The following PRKAR2B variants were observed in gnomAD, a reference collection of about 807,000 sequenced individuals.
PRKAR2B encodes the protein protein kinase cAMP-dependent type II regulatory subunit beta.
PRKAR2B carries 14 observed loss-of-function variants against 49.9 expected under a neutral mutation model. The ratio of observed to expected loss-of-function variants is 0.28; its 90% CI spans 0.19 to 0.44. PRKAR2B has a LOEUF of 0.44. PRKAR2B is among the 20% of genes least tolerant of loss of function. The pLI is 1.00. For synonymous variants in PRKAR2B, 196 were observed against 197.7 expected (o/e 0.99, Z 0.07); for missense variants, 393 against 537.9 (o/e 0.73, Z 2.67).
intron 1 of PRKAR2B, among the ~76,000 whole-genome samples, chr7:107,045,696 C>G (rs568382045): frequency 2.6e-5 from 4 of 152,246 alleles, no homozygotes; most frequent in African/African-American, 9.6e-5. Context: ...ACGGTAGATT[C>G]GCTAAAAGAA....
At chr7:107,090,220 G>A (rs1254649846) in intron 2 of PRKAR2B, among the ~76,000 whole-genome samples, 1 of 152,182 alleles carries the variant, frequency 6.6e-6, no homozygotes, top group Non-Finnish European at 1.5e-5. Flanking sequence ...ACCTGGTTTT[G>A]AGCCCTGTTA....
intron 8 of PRKAR2B, 30 bp from the exon 9 acceptor site, chr7:107,156,954 A>T: frequency 6.4e-7 from 1 of 1,566,258 alleles, no homozygotes. Context: ...TTGCATTTTC[A>T]CCGTCTGTTT....
Position 107,049,408 on chromosome 7 carries a change from A to AT in PRKAR2B, c.307+4195dup, listed in dbSNP as rs200263796. ...TAGACTCATACCCCATAAGACAAGC[A>AT]TATCAAAAGTAATAAATAGAAATTT... On this transcript the variant is annotated intron_variant, in intron 1 of 10. Coordinates refer to ENST00000265717, the MANE Select transcript of PRKAR2B (RefSeq NM_002736.3). 8.0e-3 allele frequency among the ~76,000 whole-genome samples: 1,221 copies of AT among 152,336 alleles called. 15 individuals carry two copies. Among genetic ancestry groups the AT allele is most frequent in the African/African-American group, 0.028 (1,166 of 41,572 alleles).
chr7:107,152,380 T>C (rs890078964), intron 7 of PRKAR2B, among the ~76,000 whole-genome samples: 2 of 152,178 alleles, frequency 1.3e-5, no homozygotes, highest in African/African-American at 4.8e-5. Context: ...TCGGGGTCTT[T>C]GTACTTGCCG....
intron 2 of PRKAR2B, among the ~76,000 whole-genome samples, chr7:107,081,194 G>A (rs1246444373): frequency 6.6e-6 from 1 of 152,050 alleles, no homozygotes; most frequent in Non-Finnish European, 1.5e-5. Context: ...CCAAATTTGG[G>A]TTAACTTAAC....
rs1207820884 is a variant in PRKAR2B at position 107,045,129 on chromosome 7, C to T, written c.222C>T (p.Val74=). The change falls in exon 1 of 11, where the codon GTC becomes GTT. Residue 74 remains valine (V), a synonymous_variant. Coordinates refer to ENST00000265717, the MANE Select transcript of PRKAR2B (RefSeq NM_002736.3). ...AAGGGTPSKG[V]NFAEEPMQSD... ...GGGGCGGCACCCCCAGCAAGGGGGT[C>T]AACTTCGCCGAGGAGCCCATGCAGT... is the stretch of plus-strand genomic sequence containing the variant. 3 of 1,521,394 alleles carry T rather than the reference C, an allele frequency of 2.0e-6. No individual in the cohort carries two copies. Among genetic ancestry groups the T allele is most frequent in the Non-Finnish European group, 2.6e-6 (3 of 1,137,166 alleles). The allele number at this position is 1,521,394 out of a possible 1,614,324, so 94.2% of individuals were successfully genotyped here.
At chr7:107,122,736 G>T (rs192290936) in intron 3 of PRKAR2B, among the ~76,000 whole-genome samples, 2 of 152,268 alleles carry the variant, frequency 1.3e-5, no homozygotes. Flanking sequence ...TAAGATTGAG[G>T]TTTCATGTGG....
chr7:107,106,617 C>G (rs985936516), intron 2 of PRKAR2B, among the ~76,000 whole-genome samples: 6 of 152,164 alleles, frequency 3.9e-5, no homozygotes, highest in Non-Finnish European at 7.3e-5. Context: ...GCAAGGGATG[C>G]AGGTTTGATT....
intron 2 of PRKAR2B, among the ~76,000 whole-genome samples, chr7:107,109,426 A>ATTTTT (rs35160187): frequency 1.4e-5 from 2 of 139,856 alleles, no homozygotes; most frequent in South Asian, 4.7e-4. Flanking sequence ...CACTCAGCTA[A>ATTTTT]TTTTTTTTTT....
intron 1 of PRKAR2B, among the ~76,000 whole-genome samples, chr7:107,049,255 C>A (rs1335980657): frequency 6.6e-6 from 1 of 152,192 alleles, no homozygotes; most frequent in Non-Finnish European, 1.5e-5. Flanking sequence ...ATTAACTACA[C>A]ATGGGCACAT....
At chr7:107,058,174 C>A (rs1222077020) in intron 1 of PRKAR2B, among the ~76,000 whole-genome samples, 1 of 152,102 alleles carries the variant, frequency 6.6e-6, no homozygotes, top group Non-Finnish European at 1.5e-5. Context: ...TACACAGTCT[C>A]CAAGTTTATG....
chr7:107,069,734 A>G (rs550654023), intron 1 of PRKAR2B: 1 of 152,596 alleles, frequency 6.6e-6, no homozygotes, highest in Admixed American at 6.5e-5. Flanking sequence ...AAAAACTGTC[A>G]GAACTATAAA....
At chr7:107,056,615 TTGTC>T (rs1250880269) in intron 1 of PRKAR2B, among the ~76,000 whole-genome samples, 4 of 152,200 alleles carry the variant, frequency 2.6e-5, no homozygotes, top group African/African-American at 9.7e-5. Context: ...GGCTCTGTGT[TTGTC>T]TGTTATTGGT....
chr7:107,102,469 A>G (rs930132140), intron 2 of PRKAR2B, among the ~76,000 whole-genome samples: 2 of 152,216 alleles, frequency 1.3e-5, no homozygotes, highest in African/African-American at 2.4e-5. Context: ...TCTATGGAGC[A>G]GCCATTTGGC....
At chr7:107,123,642 G>A (rs1275354295) in intron 3 of PRKAR2B, among the ~76,000 whole-genome samples, 1 of 152,134 alleles carries the variant, frequency 6.6e-6, no homozygotes, top group Non-Finnish European at 1.5e-5. Context: ...AATTTCCAAA[G>A]AGTTTCTGAT....
In PRKAR2B at chr7:107,045,141, G is replaced by A. The variant is rs1265196156; in HGVS notation, c.234G>A (p.Glu78=). ...CCAGCAAGGGGGTCAACTTCGCCGA[G>A]GAGCCCATGCAGTCCGACTCCGAGG... ...GTPSKGVNFA[E]EPMQSDSEDG... The change falls in exon 1 of 11, where the codon GAG becomes GAA. Residue 78 remains glutamate, a synonymous_variant. Transcript: ENST00000265717. The A allele has an allele frequency of 6.6e-7, 1 of 1,519,796 alleles. No individual in the cohort carries two copies. Among genetic ancestry groups the A allele is most frequent in the Non-Finnish European group, 8.8e-7 (1 of 1,136,318 alleles). The allele number at this position is 1,519,796 out of a possible 1,614,324, so 94.1% of individuals were successfully genotyped here. A position where few individuals can be genotyped will look rare whatever the true frequency, so the allele number is the denominator to read the frequency against.
chr7:107,099,454 C>T (rs963335658), intron 2 of PRKAR2B, among the ~76,000 whole-genome samples: 1 of 152,274 alleles, frequency 6.6e-6, no homozygotes, highest in South Asian at 2.1e-4. Context: ...TCCCTGACCC[C>T]TTGTGCTTCC....
intron 2 of PRKAR2B, among the ~76,000 whole-genome samples, chr7:107,088,367 T>G (rs767971515): frequency 6.6e-6 from 1 of 152,126 alleles, no homozygotes; most frequent in Non-Finnish European, 1.5e-5. Flanking sequence ...AGCTGACATT[T>G]CAGCCAAGGC....
At position 107,112,003 on chromosome 7, in the gene PRKAR2B, C is replaced by CAAA. The variant is rs71134251; in HGVS notation, c.344-9927_344-9925dup. The stretch of plus-strand genomic sequence containing the variant: ...GCAATATAGCAAGAGCCTCCTCTAC[C>CAAA]AAAAAAAAAAAAAAAAAAAAAAAAG... On this transcript the variant is annotated intron_variant, in intron 2 of 10. Transcript: ENST00000265717. 1.5e-3 allele frequency among the ~76,000 whole-genome samples: 69 copies of CAAA among 46,164 alleles called. 2 individuals carry two copies. Among genetic ancestry groups the CAAA allele is most frequent in the Non-Finnish European group, 1.9e-3 (52 of 27,368 alleles). 30.3% of individuals were successfully genotyped at this position (46,164 alleles called of 152,430 possible). A position where few individuals can be genotyped will look rare whatever the true frequency, so the allele number is the denominator to read the frequency against.
Sources: gnomAD v4.1 joint callset for allele counts (sites outside exome capture counted in the v4.1 genomes callset) on GRCh38, gnomAD v4.1.1 for gene constraint, MANE v1.5 for transcripts, NCBI Gene and HGNC (gene_info 2026-07-23, HGNC 2026-07-21) for gene names.